The following CLSPN variants were observed in gnomAD, a reference collection of about 807,000 sequenced individuals.
The protein encoded by CLSPN is claspin homolog.
CLSPN carries 85 observed loss-of-function variants against 156.3 expected under a neutral mutation model. That is an observed-to-expected ratio of 0.54 (90% CI 0.46 to 0.65). The LOEUF is 0.65. CLSPN is among the 30% of genes least tolerant of loss of function. The pLI, the probability that CLSPN is intolerant of heterozygous loss-of-function variation, is 0.00. For synonymous variants in CLSPN, 534 were observed against 542.4 expected (o/e 0.98, Z 0.22); for missense variants, 1,407 against 1,554.9 (o/e 0.90, Z 1.60).
At chr1:35,730,850 C>T (rs980299794), downstream of CLSPN, among the ~76,000 whole-genome samples, 1 of 151,400 alleles carries the variant, frequency 6.6e-6, no homozygotes, top group African/African-American at 2.4e-5. Context: ...GGCGACAGAG[C>T]GAGAATCCAT....
intron 24 of CLSPN, among the ~76,000 whole-genome samples, chr1:35,724,538 A>G (rs1365364384): frequency 6.6e-6 from 1 of 152,252 alleles, no homozygotes; most frequent in Non-Finnish European, 1.5e-5. Flanking sequence ...ATCCTGGATT[A>G]CAAACTACGT....
chr1:35,762,836 G>T (rs1642529194), intron 4 of CLSPN, among the ~76,000 whole-genome samples: 1 of 151,838 alleles, frequency 6.6e-6, no homozygotes, highest in Non-Finnish European at 1.5e-5. Flanking sequence ...ACCCTATAGG[G>T]TTCATTTCTC....
chr1:35,720,442 CTTTTT>C (rs71062889), exon 25 of CLSPN: 5 of 80,932 alleles, frequency 6.2e-5, no homozygotes, highest in Non-Finnish European at 1.1e-4. Flanking sequence ...CAAATCCTCA[CTTTTT>C]TTTTTTTTTT....
chr1:35,737,415 C>T lies in CLSPN; in HGVS notation c.3671G>A (p.Arg1224His), dbSNP rs55647365. Residue 1224 changes from arginine (R) to histidine (H), a missense_variant, in exon 23 of 25, where the codon CGC becomes CAC. By Grantham distance (29) the Arg-to-His change is conservative. Coordinates refer to ENST00000318121, the MANE Select transcript of CLSPN (RefSeq NM_022111.4). ...CTTTGATTCCTGAATAACCATAGGG[C>T]GACTGGCTGGAAAGAAAAGACAGAG... ...TAKALQKNASRPMVIQESKSL... is the reference protein window; with the variant it reads ...TAKALQKNASHPMVIQESKSL... 11,501 of 1,612,700 alleles carry T rather than the reference C, an allele frequency of 7.1e-3. 49 individuals are homozygous for T. Among genetic ancestry groups the T allele is most frequent in the Non-Finnish European group, 8.8e-3 (10,403 of 1,178,968 alleles).
At chr1:35,758,211 T>C (rs1642344054) in intron 8 of CLSPN, among the ~76,000 whole-genome samples, 1 of 151,712 alleles carries the variant, frequency 6.6e-6, no homozygotes, top group African/African-American at 2.4e-5. Context: ...TCGTTCTGTC[T>C]CCCAGACTGG....
At chr1:35,768,675 C>T (rs1357636111) in intron 1 of CLSPN, among the ~76,000 whole-genome samples, 2 of 151,994 alleles carry the variant, frequency 1.3e-5, no homozygotes, top group Admixed American at 6.6e-5. Flanking sequence ...CTTAGCCTCC[C>T]GAAGTGCTGG....
chr1:35,764,433 C>T lies in CLSPN; in HGVS notation c.415G>A (p.Gly139Arg), dbSNP rs1291980130. The T allele has an allele frequency of 6.2e-7, 1 of 1,614,058 alleles. No individual in the cohort carries two copies. The highest frequency in any genetic ancestry group is 1.7e-5 in the Admixed American group (1 of 60,010). Reference sequence around the variant, plus strand: ...TCAGTGGTAAAGTCTGTAGAGTTTCCAGACTGAAGACTCAGCTCTAAGCAA... The same window carrying T: ...TCAGTGGTAAAGTCTGTAGAGTTTCTAGACTGAAGACTCAGCTCTAAGCAA... ...KPCLELSLQS[G>R]NSTDFTTDRK... is the part of the protein sequence containing the mutation. Residue 139 changes from glycine to arginine, a missense_variant, in exon 3 of 25, where the codon GGA becomes AGA. Gly to Arg is a moderately radical substitution (Grantham distance 125, BLOSUM62 -2). This residue lies in a region of CLSPN where 1,096 missense variants were observed against 1,193.0 expected (regional missense o/e 0.92). Transcript: ENST00000318121.
Position 35,746,979 on chromosome 1 carries a change from T to C in CLSPN, c.2641A>G (p.Arg881Gly). ...GCTTGGTACTGATTCCTGTGGTTTC[T>C]AACATTTAAGAACCTAAGAACCAAT... ...LLDADGFLNV[R>G]NHRNQYQALK... Residue 881 changes from arginine (R) to glycine (G), a missense_variant, in exon 15 of 25, where the codon AGA becomes GGA. This residue lies in a region of CLSPN where 1,096 missense variants were observed against 1,193.0 expected (regional missense o/e 0.92). Transcript: ENST00000318121. The surrounding 1 kb of genome is among the most constrained non-coding windows in gnomAD (Gnocchi z 4.2). 6.2e-7 allele frequency: 1 copy of C among 1,613,846 alleles called. No individual in the cohort carries two copies. The highest frequency in any genetic ancestry group is 8.5e-7 in the Non-Finnish European group (1 of 1,179,754).
At position 35,753,876 on chromosome 1, in the gene CLSPN, G is replaced by C; in HGVS notation, c.1640C>G (p.Ala547Gly). 2 of 1,614,204 alleles carry C rather than the reference G, an allele frequency of 1.2e-6. No homozygotes were observed. The highest frequency in any genetic ancestry group is 2.2e-5 in the South Asian group (2 of 91,078). Reference sequence around the variant, plus strand: ...GACGTTCACATTCACTGTCTGACCAGCCCTGGGTTTGGCTGCTGGATTAGC... The same window carrying C: ...GACGTTCACATTCACTGTCTGACCACCCCTGGGTTTGGCTGCTGGATTAGC... ...KHANPAAKPR[A>G]GQTVNVNVIV... The change falls in exon 9 of 25, where the codon GCT (alanine) becomes GGT (glycine). Residue 547 changes from alanine to glycine, a missense_variant. By Grantham distance (60) the Ala-to-Gly change is moderately conservative. Transcript: ENST00000318121.
In CLSPN at chr1:35,766,226, C is replaced by G. The variant is rs536391051; in HGVS notation, c.25-900G>C. On this transcript the variant is annotated intron_variant, in intron 1 of 24. Transcript: ENST00000318121. The stretch of plus-strand genomic sequence containing the variant: ...GCCAGGCCGGTTGCAAACTCCTGAC[C>G]TCAGGTGATCCGCCCACCTCGGCCT... 8.6e-5 allele frequency among the ~76,000 whole-genome samples: 13 copies of G among 151,640 alleles called. No individual in the cohort carries two copies. In the South Asian group the frequency reaches 2.7e-3, roughly 32 times the overall value.
Position 35,748,012 on chromosome 1 carries a change from T to G in CLSPN, c.2522A>C (p.Asp841Ala). ...AGGCTCTGGGGAGGCGTTATACAGA[T>G]CCTGGGAATCCTCTATGGGAAGTGA... ...EPSLPIEDSQDLYNASPEPKT... is the reference protein window; with the variant it reads ...EPSLPIEDSQALYNASPEPKT... Residue 841 changes from aspartate to alanine, a missense_variant, in exon 14 of 25, where the codon GAT becomes GCT. Coordinates refer to ENST00000318121, the MANE Select transcript of CLSPN (RefSeq NM_022111.4). 1.2e-6 allele frequency: 2 copies of G among 1,614,172 alleles called. No homozygotes were observed. Among genetic ancestry groups the G allele is most frequent in the Non-Finnish European group, 1.7e-6 (2 of 1,180,024 alleles).
Position 35,734,401 on chromosome 1 carries a change from C to T in CLSPN, c.*2095G>A, listed in dbSNP as rs916183720. On this transcript the variant is annotated 3_prime_UTR_variant, in exon 25 of 25. Transcript: ENST00000318121. ...TATTAGAAAACTGTAGAAAACCGGC[C>T]GGGTGCGGTGGCTCATGCCTATAAT... The T allele has an allele frequency of 3.7e-5, 36 of 984,844 alleles. No individual in the cohort carries two copies. Among genetic ancestry groups the T allele is most frequent in the African/African-American group, 5.2e-5 (3 of 57,174 alleles). The allele number at this position is 984,844 out of a possible 1,614,324, so 61.0% of individuals were successfully genotyped here. A position where few individuals can be genotyped will look rare whatever the true frequency, so the allele number is the denominator to read the frequency against.
At chr1:35,748,661 T>C in intron 12 of CLSPN, 57 bp from the exon 13 acceptor site, 5 of 1,467,426 alleles carry the variant, frequency 3.4e-6, no homozygotes, top group Non-Finnish European at 4.8e-6. Context: ...GTGGATTTGT[T>C]TAGGAAAAAG....
rs1381285618 is a variant in CLSPN, at chr1:35,736,567, G to A, written c.3949C>T (p.Pro1317Ser). The A allele has an allele frequency of 6.2e-7, 1 of 1,612,764 alleles. No individual in the cohort carries two copies. Among genetic ancestry groups the A allele is most frequent in the Admixed American group, 1.7e-5 (1 of 59,732 alleles). The change falls in exon 25 of 25, where the codon CCT (proline) becomes TCT (serine). Residue 1317 changes from proline (P) to serine (S), a missense_variant. By Grantham distance (74) the Pro-to-Ser change is moderately conservative. Around this residue, in one of 3 missense-constraint regions of CLSPN, gnomAD observed 241 missense variants for 240.5 expected, o/e 1.00. Coordinates refer to ENST00000318121, the MANE Select transcript of CLSPN (RefSeq NM_022111.4). The part of the protein sequence containing the change: ...RGPSFMTSPS[P>S]KHLKTDDSTS... ...CTATCATCTGTTTTGAGGTGCTTAG[G>A]TGAAGGAGAAGTCATGAAAGATGGA... is the stretch of plus-strand genomic sequence containing the variant.
chr1:35,753,357 C>G (rs2148621389), intron 9 of CLSPN, among the ~76,000 whole-genome samples: 1 of 151,664 alleles, frequency 6.6e-6, no homozygotes, highest in African/African-American at 2.4e-5. Context: ...TTCCAAAGTG[C>G]TAGGATTACA....
At chr1:35,720,445 T>A (rs1641047631) in exon 25 of CLSPN, 1 of 130,404 alleles carries the variant, frequency 7.7e-6, no homozygotes, top group South Asian at 2.7e-4. Flanking sequence ...ATCCTCACTT[T>A]TTTTTTTTTT....
chr1:35,737,242 C>A, intron 23 of CLSPN, 97 bp downstream of exon 23: 1 of 1,292,224 alleles, frequency 7.7e-7, no homozygotes, highest in Non-Finnish European at 1.1e-6. Flanking sequence ...CCTGCAGCCA[C>A]CTCCTTCCTC....
rs777478662 is a variant in CLSPN at position 35,746,904 on chromosome 1, C to T, written c.2716G>A (p.Ala906Thr). 3 of 1,613,976 alleles carry T rather than the reference C, an allele frequency of 1.9e-6. No homozygotes were observed. In the South Asian group the frequency reaches 3.3e-5, roughly 18 times the overall value. Residue 906 changes from alanine (A) to threonine (T), a missense_variant, in exon 15 of 25, where the codon GCC becomes ACC. Physicochemically the swap from Ala to Thr is moderately conservative, Grantham distance 58. Coordinates refer to ENST00000318121, the MANE Select transcript of CLSPN (RefSeq NM_022111.4). The surrounding 1 kb of genome is among the most constrained non-coding windows in gnomAD (Gnocchi z 4.2). ...AAATCCAACAGCTCATCCATGTTGG[C>T]ATCCATGGCATTCTCATCCATACTG... is the stretch of plus-strand genomic sequence containing the variant. Reference protein sequence around the residue: ...LASMDENAMDANMDELLDLCT... With the variant: ...LASMDENAMDTNMDELLDLCT...
Position 35,748,066 on chromosome 1 carries a change from C to A in CLSPN, c.2473-5G>T. On this transcript the variant is annotated splice_region_variant and splice_polypyrimidine_tract_variant and intron_variant, in intron 13 of 24. Transcript: ENST00000318121. Reference sequence around the variant, plus strand: ...CTCAGACAGTTTCCCTGAACTCTGGCACACAAACAAAAACAAACAATAACA... The same window carrying A: ...CTCAGACAGTTTCCCTGAACTCTGGAACACAAACAAAAACAAACAATAACA... 6.3e-7 allele frequency: 1 copy of A among 1,595,798 alleles called. No individual in the cohort carries two copies. Among genetic ancestry groups the A allele is most frequent in the Non-Finnish European group, 8.5e-7 (1 of 1,175,018 alleles).
Sources: allele counts gnomAD v4.1 joint callset (sites outside exome capture counted in the v4.1 genomes callset), GRCh38; gene constraint gnomAD v4.1.1; regional missense constraint gnomAD v4.1.1; non-coding constraint Gnocchi (gnomAD v3.1); transcripts MANE v1.5; gene names NCBI Gene and HGNC (gene_info 2026-07-23, HGNC 2026-07-21).